The following FMN1 variants were observed in gnomAD, a reference collection of about 807,000 sequenced individuals.
FMN1 encodes formin-1.
Under a neutral mutation model 132.4 loss-of-function variants are expected in FMN1, and 110 were observed. The observed-to-expected ratio is 0.83, with a 90% CI of 0.71 to 0.97. FMN1 has a LOEUF of 0.97. Ranked by LOEUF, FMN1 falls within the 50% of genes least tolerant of loss-of-function variation. The pLI is 0.00. For synonymous variants in FMN1, 722 were observed against 651.7 expected, an observed-to-expected ratio of 1.11 and a Z score of -1.64; for missense variants, 1,792 against 1,705.3, an observed-to-expected ratio of 1.05 and a Z score of -0.90.
chr15:32,987,429 G>T (rs887816150), intron 7 of FMN1, among the ~76,000 whole-genome samples: 1 of 152,096 alleles, frequency 6.6e-6, no homozygotes, highest in Non-Finnish European at 1.5e-5. Flanking sequence ...TAAATATTTA[G>T]ATCACTAGGA....
chr15:33,103,463 ACT>A (rs1215394751), intron 4 of FMN1, among the ~76,000 whole-genome samples: 1 of 152,106 alleles, frequency 6.6e-6, no homozygotes, highest in East Asian at 1.9e-4. Context: ...TAGAATTATT[ACT>A]CTCTGCTCAG....
chr15:33,127,267 T>C (rs1212632324), intron 4 of FMN1, among the ~76,000 whole-genome samples: 1 of 152,182 alleles, frequency 6.6e-6, no homozygotes, highest in African/African-American at 2.4e-5. Flanking sequence ...TCTCCCTCCT[T>C]ATTCTTCACA....
At chr15:32,974,498 T>C (rs750730877) in intron 7 of FMN1, among the ~76,000 whole-genome samples, 8 of 152,184 alleles carry the variant, frequency 5.3e-5, no homozygotes, top group Non-Finnish European at 8.8e-5. Flanking sequence ...TGATTACCCC[T>C]TTTTTCCTAG....
At chr15:33,008,823 G>A (rs751279103) in intron 6 of FMN1, among the ~76,000 whole-genome samples, 8 of 152,150 alleles carry the variant, frequency 5.3e-5, no homozygotes, top group Admixed American at 2.6e-4. Context: ...GAACTATACA[G>A]GCTGCAGAGA....
At chr15:32,846,328 C>T (rs1348106652) in intron 17 of FMN1, among the ~76,000 whole-genome samples, 15 of 152,084 alleles carry the variant, frequency 9.9e-5, no homozygotes, top group Admixed American at 5.2e-4. Flanking sequence ...TTGCAATCTA[C>T]CCATATGACA....
chr15:33,032,536 G>A (rs1300518758), intron 6 of FMN1, among the ~76,000 whole-genome samples: 1 of 151,928 alleles, frequency 6.6e-6, no homozygotes, highest in African/African-American at 2.4e-5. Flanking sequence ...CTTACATTGG[G>A]GTTATGTCCT....
intron 7 of FMN1, among the ~76,000 whole-genome samples, chr15:33,003,796 C>A (rs1192104225): frequency 6.6e-6 from 1 of 152,182 alleles, no homozygotes; most frequent in Non-Finnish European, 1.5e-5. Flanking sequence ...TCAAACTACA[C>A]TACAAGGCTA....
At chr15:33,055,737 A>C (rs899563906) in intron 6 of FMN1, among the ~76,000 whole-genome samples, 1 of 152,210 alleles carries the variant, frequency 6.6e-6, no homozygotes, top group Non-Finnish European at 1.5e-5. Flanking sequence ...AAAAATAAGA[A>C]GGCTCAAAAT....
chr15:32,783,951 G>T (rs2056762855), intron 19 of FMN1, among the ~76,000 whole-genome samples: 1 of 152,028 alleles, frequency 6.6e-6, no homozygotes, highest in South Asian at 2.1e-4. Context: ...GTGAGACTGA[G>T]GAAGTACCAA....
chr15:32,804,513 C>CTTT (rs754779401), intron 17 of FMN1, among the ~76,000 whole-genome samples, 181 bp from the exon 18 acceptor site: 133 of 124,102 alleles, frequency 1.1e-3, no homozygotes, highest in South Asian at 7.7e-3. Flanking sequence ...GCTACCACTG[C>CTTT]TTTTTTTTTT....
At chr15:32,889,616 T>TC (rs1253806935) in intron 15 of FMN1, among the ~76,000 whole-genome samples, 1 of 152,184 alleles carries the variant, frequency 6.6e-6, no homozygotes, top group Non-Finnish European at 1.5e-5. Flanking sequence ...TTCCGACCCT[T>TC]CCCTAGTGCC....
At chr15:33,079,369 C>T (rs1435800669) in intron 5 of FMN1, among the ~76,000 whole-genome samples, 1 of 152,182 alleles carries the variant, frequency 6.6e-6, no homozygotes, top group African/African-American at 2.4e-5. Flanking sequence ...TGCCTATAAT[C>T]CCAGCACGCA....
chr15:33,179,272 G>T (rs779251181), intron 3 of FMN1, among the ~76,000 whole-genome samples: 2 of 151,896 alleles, frequency 1.3e-5, no homozygotes, highest in Admixed American at 6.6e-5. Flanking sequence ...GAAAAGTAAA[G>T]AAAAAATTTT....
intron 9 of FMN1, among the ~76,000 whole-genome samples, chr15:32,938,288 A>T (rs1268018433): frequency 6.6e-6 from 1 of 152,090 alleles, no homozygotes; most frequent in African/African-American, 2.4e-5. Context: ...CAGCAACTTG[A>T]GAGGTCGAGG....
At chr15:33,131,058 G>A (rs867449783) in intron 4 of FMN1, among the ~76,000 whole-genome samples, 17 of 152,110 alleles carry the variant, frequency 1.1e-4, no homozygotes, top group African/African-American at 3.4e-4. Context: ...GGCCGGGTGC[G>A]GTGGCTCATG....
At chr15:32,967,754 T>C (rs2031376356) in intron 8 of FMN1, among the ~76,000 whole-genome samples, 1 of 152,246 alleles carries the variant, frequency 6.6e-6, no homozygotes, top group Non-Finnish European at 1.5e-5. Flanking sequence ...CAGGGATTTC[T>C]GGTTGTTTTA....
chr15:33,069,496 T>C (rs1274491470), intron 5 of FMN1, among the ~76,000 whole-genome samples: 2 of 152,258 alleles, frequency 1.3e-5, no homozygotes, highest in East Asian at 3.9e-4. Context: ...TTCTGCAAAA[T>C]GGAAATGGTA....
chr15:33,156,516 T>G (rs1160842451), intron 3 of FMN1, among the ~76,000 whole-genome samples: 5 of 151,854 alleles, frequency 3.3e-5, no homozygotes, highest in African/African-American at 4.8e-5. Context: ...TCTGGAAATC[T>G]TGGACTCAAG....
chr15:33,066,969 C>G, intron 5 of FMN1: 1 of 1,614,024 alleles, frequency 6.2e-7, no homozygotes, highest in Non-Finnish European at 8.5e-7. Context: ...TTGAGCAAAG[C>G]TAAGTCCCCA....
Sources: gnomAD v4.1 joint callset for allele counts (sites outside exome capture counted in the v4.1 genomes callset) on GRCh38, gnomAD v4.1.1 for gene constraint, MANE v1.5 for transcripts, NCBI Gene and HGNC (gene_info 2026-07-23, HGNC 2026-07-21) for gene names.